NCKAP1: variants seen among roughly 807,000 people sequenced by gnomAD.
The protein encoded by NCKAP1 is NCK associated protein 1, also known as nck-associated protein 1.
In NCKAP1, 21 loss-of-function variants were observed where a neutral mutation model predicts 151.2. The observed-to-expected ratio is 0.14, with a 90% confidence interval of 0.10 to 0.20. NCKAP1 has a LOEUF of 0.20. Among genes scored for constraint, NCKAP1 ranks in the 10% least tolerant of loss-of-function variants. NCKAP1 has a pLI of 1.00. For synonymous variants in NCKAP1, 484 were observed against 451.8 expected (o/e 1.07, Z -0.90); for missense variants, 933 against 1,352.1 (o/e 0.69, Z 4.86).
chr2:182,967,070 A>T (rs1697587109), intron 16 of NCKAP1, 146 bp downstream of exon 16: 1 of 725,692 alleles, frequency 1.4e-6, no homozygotes, highest in South Asian at 3.7e-5. Context: ...TTGTTGGCAC[A>T]TTTTAATAAA....
At chr2:182,997,678 T>A (rs1466932970) in intron 6 of NCKAP1, among the ~76,000 whole-genome samples, 1 of 152,156 alleles carries the variant, frequency 6.6e-6, no homozygotes, top group African/African-American at 2.4e-5. Flanking sequence ...AACAGACCAA[T>A]GAGTAATCAA....
intron 2 of NCKAP1, among the ~76,000 whole-genome samples, chr2:183,021,379 T>G (rs1350798111): frequency 6.6e-6 from 1 of 152,138 alleles, no homozygotes; most frequent in African/African-American, 2.4e-5. Context: ...GTGGGAGGAC[T>G]GCTCAAGCCC....
intron 1 of NCKAP1, among the ~76,000 whole-genome samples, 189 bp downstream of exon 1, chr2:183,037,803 C>A (rs1041799584): frequency 6.6e-6 from 1 of 152,062 alleles, no homozygotes; most frequent in African/African-American, 2.4e-5. Context: ...CGGCGAACCA[C>A]AGGGAGAGGC....
chr2:182,925,554 A>T lies in NCKAP1; in HGVS notation c.*148T>A. The stretch of plus-strand genomic sequence containing the variant: ...AAGTATACTGTAGTACAACCATATT[A>T]AGAAACCAATGATCAGAAAATACAA... On this transcript the variant is annotated 3_prime_UTR_variant, in exon 31 of 31. Transcript: ENST00000361354. 1 of 458,044 alleles carries T rather than the reference A, an allele frequency of 2.2e-6. No individual in the cohort carries two copies. 28.4% of individuals were successfully genotyped at this position (458,044 alleles called of 1,614,324 possible).
Position 182,986,181 on chromosome 2 carries a change from C to T in NCKAP1, c.994G>A (p.Val332Met), listed in dbSNP as rs768101820. The T allele has an allele frequency of 2.1e-5, 34 of 1,613,556 alleles. No individual in the cohort carries two copies. Among genetic ancestry groups the T allele is most frequent in the East Asian group, 6.7e-5 (3 of 44,850 alleles). Residue 332 changes from valine to methionine, a missense_variant, in exon 10 of 31, where the codon GTG becomes ATG. Val to Met is a conservative substitution (Grantham distance 21). This residue lies in a region of NCKAP1 where 607 missense variants were observed against 795.0 expected (regional missense o/e 0.76). Transcript: ENST00000361354. ...NDIRECKEAA[V>M]SHAGSMHRER... Reference sequence around the variant, plus strand: ...AATAAAACTACTCACGCATGTGACACGGCTGCCTCCTTGCATTCTCTTATG... The same window carrying T: ...AATAAAACTACTCACGCATGTGACATGGCTGCCTCCTTGCATTCTCTTATG...
At chr2:182,946,306 A>C (rs958306927) in intron 23 of NCKAP1, among the ~76,000 whole-genome samples, 3 of 152,026 alleles carry the variant, frequency 2.0e-5, no homozygotes, top group African/African-American at 7.2e-5. Context: ...AGGCTGAGCC[A>C]GGAGAATGGC....
chr2:182,921,252 A>T lies in NCKAP1; in HGVS notation c.*4450T>A, dbSNP rs1324600981. ...CATTAAATTTAAAAAATGAGCTTTA[A>T]TAAAATTACAGTAAATTTTAAATAT... On this transcript the variant is annotated 3_prime_UTR_variant, in exon 31 of 31. Coordinates refer to ENST00000361354, the MANE Select transcript of NCKAP1 (RefSeq NM_013436.5). The T allele has an allele frequency of 6.6e-6, 1 of 152,216 alleles. No individual in the cohort carries two copies. Among genetic ancestry groups the T allele is most frequent in the Non-Finnish European group, 1.5e-5 (1 of 68,038 alleles). The allele number at this position is 152,216 out of a possible 1,614,324, so 9.4% of individuals were successfully genotyped here.
In NCKAP1 at chr2:182,922,544, G is replaced by C. The variant is rs1275893320; in HGVS notation, c.*3158C>G. On this transcript the variant is annotated 3_prime_UTR_variant, in exon 31 of 31. Coordinates refer to ENST00000361354, the MANE Select transcript of NCKAP1 (RefSeq NM_013436.5). ...ATGCCAAGTTTGTGCTTGCCTTCTG[G>C]GTCTTTGCCTTTATTATTCCTCCCC... 1 of 152,194 alleles carries C rather than the reference G, an allele frequency of 6.6e-6. No individual in the cohort carries two copies. The highest frequency in any genetic ancestry group is 1.9e-4 in the East Asian group (1 of 5,206). 9.4% of individuals were successfully genotyped at this position (152,194 alleles called of 1,614,324 possible).
At chr2:182,963,842 G>C (rs1405847302) in intron 17 of NCKAP1, among the ~76,000 whole-genome samples, 3 of 151,972 alleles carry the variant, frequency 2.0e-5, no homozygotes, top group Admixed American at 2.0e-4. Flanking sequence ...CTCATAGGTA[G>C]AAATTCTGAA....
chr2:182,982,146 G>A (rs1697953356), intron 12 of NCKAP1, among the ~76,000 whole-genome samples: 1 of 151,928 alleles, frequency 6.6e-6, no homozygotes, highest in South Asian at 2.1e-4. Flanking sequence ...AATGTTTTGT[G>A]TAGTAAATAG....
chr2:182,994,957 C>A, intron 7 of NCKAP1, 70 bp from the exon 8 acceptor site: 1 of 1,232,028 alleles, frequency 8.1e-7, no homozygotes, highest in South Asian at 1.3e-5. Flanking sequence ...GAGCCACTCT[C>A]CTCCCTTTCT....
chr2:182,909,166 T>G lies in NCKAP1; in HGVS notation c.*16536A>C, dbSNP rs1465937950. On this transcript the variant is annotated 3_prime_UTR_variant, in exon 31 of 31. Transcript: ENST00000361354. ...GACACCACCAAAAGGAATGTAGATC[T>G]CTCTGTTTTGATCTGGAAATAGGTT... 1.3e-5 allele frequency: 2 copies of G among 152,238 alleles called. No individual in the cohort carries two copies. Among genetic ancestry groups the G allele is most frequent in the East Asian group, 3.8e-4 (2 of 5,202 alleles). 9.4% of individuals were successfully genotyped at this position (152,238 alleles called of 1,614,324 possible).
chr2:182,997,275 T>C (rs1698288608), intron 6 of NCKAP1, among the ~76,000 whole-genome samples: 1 of 152,226 alleles, frequency 6.6e-6, no homozygotes, highest in Non-Finnish European at 1.5e-5. Flanking sequence ...ATTTTGGTTA[T>C]TTATTTTCAT....
chr2:182,964,873 TAC>T, intron 16 of NCKAP1, 65 bp from the exon 17 acceptor site: 1 of 1,251,516 alleles, frequency 8.0e-7, no homozygotes, highest in Non-Finnish European at 1.1e-6. Flanking sequence ...TATAGTACCT[TAC>T]AGTTAATTTG....
chr2:183,001,513 G>T (rs1035105202), intron 6 of NCKAP1, among the ~76,000 whole-genome samples: 1 of 152,068 alleles, frequency 6.6e-6, no homozygotes, highest in Non-Finnish European at 1.5e-5. Context: ...TTTTAATGAA[G>T]TAATTCATTT....
intron 2 of NCKAP1, among the ~76,000 whole-genome samples, chr2:183,010,118 T>C (rs1698564283): frequency 6.6e-6 from 1 of 152,212 alleles, no homozygotes; most frequent in African/African-American, 2.4e-5. Context: ...ACTTAAAATT[T>C]GTGTCCATGC....
chr2:182,986,271 T>C (rs779782779), intron 9 of NCKAP1, 44 bp from the exon 10 acceptor site: 4 of 1,477,228 alleles, frequency 2.7e-6, no homozygotes, highest in Non-Finnish European at 2.8e-6. Context: ...ATTTGATCAA[T>C]AACTGTCAAA....
In NCKAP1 at chr2:182,958,845, C is replaced by G. The variant is rs185756292; in HGVS notation, c.1882-1249G>C. 1.3e-3 allele frequency among the ~76,000 whole-genome samples: 191 copies of G among 152,254 alleles called. 2 individuals are homozygous for G. The highest frequency in any genetic ancestry group is 4.5e-3 in the African/African-American group (185 of 41,568). ...AGAGCTTCACTGTACATTACAGTAG[C>G]CACATGTGAAATGTGCCCAGTCCAA... On this transcript the variant is annotated intron_variant, in intron 18 of 30. Coordinates refer to ENST00000361354, the MANE Select transcript of NCKAP1 (RefSeq NM_013436.5).
Position 182,957,474 on chromosome 2 carries a change from G to A in NCKAP1, c.2004C>T (p.Asn668=). ...ATACTTACTTGGTCACAACCAGCCT[G>A]TTTTTCCTCATGCTCTCAACACCTG... The part of the protein sequence containing the change: ...EKPGVESMRK[N]RLVVTNLDKL... The change falls in exon 19 of 31, where the codon AAC becomes AAT. Residue 668 remains asparagine, a synonymous_variant. Coordinates refer to ENST00000361354, the MANE Select transcript of NCKAP1 (RefSeq NM_013436.5). 6.2e-7 allele frequency: 1 copy of A among 1,613,584 alleles called. No homozygotes were observed. Among genetic ancestry groups the A allele is most frequent in the Non-Finnish European group, 8.5e-7 (1 of 1,179,818 alleles).
Sources: gnomAD v4.1 joint callset for allele counts (sites outside exome capture counted in the v4.1 genomes callset) on GRCh38, gnomAD v4.1.1 for gene constraint, gnomAD v4.1.1 regional missense constraint, MANE v1.5 for transcripts, NCBI Gene and HGNC (gene_info 2026-07-23, HGNC 2026-07-21) for gene names.